Variants in TEKT1 observed in about 807,000 individuals in gnomAD.
The protein encoded by TEKT1 is tektin-1.
Under a neutral mutation model 34.8 loss-of-function variants are expected in TEKT1, and 32 were observed. The ratio of observed to expected loss-of-function variants is 0.92; its 90% CI spans 0.69 to 1.23. The LOEUF is 1.23. Ranked by LOEUF, TEKT1 falls within the 50% of genes most tolerant of loss-of-function variation. The pLI, the probability that TEKT1 is intolerant of heterozygous loss-of-function variation, is 0.00. For synonymous variants in TEKT1, 207 were observed against 199.8 expected (o/e 1.04, Z -0.30); for missense variants, 492 against 518.5 (o/e 0.95, Z 0.50).
At chr17:6,805,635 C>T (rs1301998822) in intron 6 of TEKT1, among the ~76,000 whole-genome samples, 3 of 152,092 alleles carry the variant, frequency 2.0e-5, no homozygotes, top group African/African-American at 4.8e-5. Context: ...CACACTGCTT[C>T]GAATGTGTCC....
chr17:6,816,453 T>C (rs145501172), intron 3 of TEKT1, among the ~76,000 whole-genome samples: 12,352 of 152,206 alleles, frequency 0.081, 620 homozygotes, highest in Middle Eastern at 0.18. Flanking sequence ...CATTGTTCAA[T>C]TCCCACCTAT....
rs929380491 is a variant in TEKT1 at position 6,798,780 on chromosome 17, T to A, written c.*1247A>T. ...ATTATCATTGTGCCCTATGACACCG[T>A]ATGTGCAGCTAGACAGCCAGATTCA... On this transcript the variant is annotated 3_prime_UTR_variant, in exon 8 of 8. Coordinates refer to ENST00000338694, the MANE Select transcript of TEKT1 (RefSeq NM_053285.2). 2 of 152,232 alleles carry A rather than the reference T, an allele frequency of 1.3e-5. No homozygotes were observed. Among genetic ancestry groups the A allele is most frequent in the African/African-American group, 2.4e-5 (1 of 41,446 alleles). 9.4% of individuals were successfully genotyped at this position (152,232 alleles called of 1,614,324 possible).
At chr17:6,801,221 G>T (rs1976767472) in intron 6 of TEKT1, among the ~76,000 whole-genome samples, 1 of 152,148 alleles carries the variant, frequency 6.6e-6, no homozygotes. Flanking sequence ...GCCAGAGTGG[G>T]GATCTCACTA....
In TEKT1 at chr17:6,799,449, A is replaced by T. The variant is rs531732083; in HGVS notation, c.*578T>A. ...AGGCTCAGTATGAAGCCCTTTACGG[A>T]GGTGATCTCATTCAACGCCCCTATA... On this transcript the variant is annotated 3_prime_UTR_variant, in exon 8 of 8. Transcript: ENST00000338694. 1 of 152,192 alleles carries T rather than the reference A, an allele frequency of 6.6e-6. No individual in the cohort carries two copies. The highest frequency in any genetic ancestry group is 1.5e-5 in the Non-Finnish European group (1 of 68,112). 9.4% of individuals were successfully genotyped at this position (152,192 alleles called of 1,614,324 possible). A position where few individuals can be genotyped will look rare whatever the true frequency, so the allele number is the denominator to read the frequency against.
rs1370483595 is a variant in TEKT1, at chr17:6,811,751, CCT to C, written c.852+1078_852+1079del. Among the ~76,000 whole-genome samples the C allele has an allele frequency of 6.6e-6, 1 of 152,148 alleles. No individual in the cohort carries two copies. The highest frequency in any genetic ancestry group is 6.5e-5 in the Admixed American group (1 of 15,276). Reference sequence around the variant, plus strand: ...CACCGTGCCGCCTTGGGGCCCTTCCCCTCTCTGTTTCAGCTTCACCAGCAGTA... The same window carrying C: ...CACCGTGCCGCCTTGGGGCCCTTCCCCTCTGTTTCAGCTTCACCAGCAGTA... On this transcript the variant is annotated intron_variant, in intron 6 of 7. Coordinates refer to ENST00000338694, the MANE Select transcript of TEKT1 (RefSeq NM_053285.2). This position sits in a 1 kb window ranked among gnomAD's most constrained non-coding sequence, Gnocchi z 4.4.
chr17:6,827,155 T>C (rs1904431691), intron 2 of TEKT1, among the ~76,000 whole-genome samples: 1 of 152,140 alleles, frequency 6.6e-6, no homozygotes, highest in South Asian at 2.1e-4. Flanking sequence ...AGGTCTATCC[T>C]CACTTATACT....
rs915015531 is a variant in TEKT1 at position 6,799,447 on chromosome 17, G to A, written c.*580C>T. On this transcript the variant is annotated 3_prime_UTR_variant, in exon 8 of 8. Coordinates refer to ENST00000338694, the MANE Select transcript of TEKT1 (RefSeq NM_053285.2). Reference sequence around the variant, plus strand: ...ACAGGCTCAGTATGAAGCCCTTTACGGAGGTGATCTCATTCAACGCCCCTA... The same window carrying A: ...ACAGGCTCAGTATGAAGCCCTTTACAGAGGTGATCTCATTCAACGCCCCTA... 1.4e-4 allele frequency: 22 copies of A among 152,348 alleles called. No homozygotes were observed. The highest frequency in any genetic ancestry group is 5.3e-4 in the African/African-American group (22 of 41,540). The allele number at this position is 152,348 out of a possible 1,614,324, so 9.4% of individuals were successfully genotyped here. A position where few individuals can be genotyped will look rare whatever the true frequency, so the allele number is the denominator to read the frequency against.
At chr17:6,819,844 C>T (rs559735705) in intron 2 of TEKT1, among the ~76,000 whole-genome samples, 2 of 152,304 alleles carry the variant, frequency 1.3e-5, no homozygotes, top group East Asian at 1.9e-4. Context: ...TCCGCCACCA[C>T]ACCCGGCTAA....
intron 2 of TEKT1, among the ~76,000 whole-genome samples, chr17:6,824,201 T>C (rs1904334771): frequency 6.6e-6 from 1 of 152,172 alleles, no homozygotes; most frequent in Non-Finnish European, 1.5e-5. Flanking sequence ...TCAGCTCTTC[T>C]CTTGGTCCTC....
intron 2 of TEKT1, among the ~76,000 whole-genome samples, chr17:6,821,046 A>C (rs944716956): frequency 8.6e-5 from 13 of 151,814 alleles, no homozygotes; most frequent in African/African-American, 3.1e-4. Context: ...GTCTGATGCC[A>C]CTCTGATTCC....
chr17:6,822,210 C>T (rs553503552), intron 2 of TEKT1, among the ~76,000 whole-genome samples: 26 of 152,286 alleles, frequency 1.7e-4, no homozygotes, highest in Non-Finnish European at 7.4e-5. Flanking sequence ...AACCATAGCT[C>T]ACTGTAACTT....
At chr17:6,818,032 G>A (rs1977030176) in intron 3 of TEKT1, among the ~76,000 whole-genome samples, 1 of 152,160 alleles carries the variant, frequency 6.6e-6, no homozygotes. Context: ...GCTTATGGAA[G>A]GAACAGGGCT....
chr17:6,807,445 TC>T (rs1384474734), intron 6 of TEKT1, among the ~76,000 whole-genome samples: 1 of 152,226 alleles, frequency 6.6e-6, no homozygotes, highest in Non-Finnish European at 1.5e-5. Flanking sequence ...AGTTTGATCA[TC>T]TGAAGCCTTC....
rs913747615 is a variant in TEKT1, at chr17:6,816,703, T to C, written c.357-741A>G. ...GCCACAATAAACAAACGTGTGCATATGTCTTTATAGTAGCATGATTTATAA... is the reference window on the plus strand; with the variant it reads ...GCCACAATAAACAAACGTGTGCATACGTCTTTATAGTAGCATGATTTATAA... On this transcript the variant is annotated intron_variant, in intron 3 of 7. Transcript: ENST00000338694. Among the ~76,000 whole-genome samples, 4 of 152,350 alleles carry C rather than the reference T, an allele frequency of 2.6e-5. No homozygotes were observed. In the South Asian group the frequency reaches 8.3e-4, roughly 32 times the overall value.
At chr17:6,825,098 A>C (rs1904358512) in intron 2 of TEKT1, among the ~76,000 whole-genome samples, 1 of 152,208 alleles carries the variant, frequency 6.6e-6, no homozygotes, top group Non-Finnish European at 1.5e-5. Flanking sequence ...ATGGGGAAAG[A>C]AGCATCCATA....
At chr17:6,831,048 A>T (rs2151594305) in intron 1 of TEKT1, among the ~76,000 whole-genome samples, 1 of 152,148 alleles carries the variant, frequency 6.6e-6, no homozygotes, top group Non-Finnish European at 1.5e-5. Context: ...GAGGAGGAGG[A>T]GGAGGAAATG....
In TEKT1 at chr17:6,801,157, G is replaced by A. The variant is rs899493864; in HGVS notation, c.853-214C>T. 3.3e-5 allele frequency among the ~76,000 whole-genome samples: 5 copies of A among 152,166 alleles called. 1 individual carries two copies. In the East Asian group the frequency reaches 9.7e-4, roughly 29 times the overall value. ...AAAACCTTATGGACTCAAGGGACAG[G>A]ACGGGCCATTGTCACCTCATCTACC... On this transcript the variant is annotated intron_variant, in intron 6 of 7. Coordinates refer to ENST00000338694, the MANE Select transcript of TEKT1 (RefSeq NM_053285.2).
Position 6,819,176 on chromosome 17 carries a change from G to C in TEKT1, c.356+17C>G. The C allele has an allele frequency of 6.2e-7, 1 of 1,605,942 alleles. No homozygotes were observed. Among genetic ancestry groups the C allele is most frequent in the Non-Finnish European group, 8.5e-7 (1 of 1,176,928 alleles). ...TTGTCACAACACATGAATCATTTGA[G>C]GGACCTTCGCTCCTACCTGTATGCC... On this transcript the variant is annotated intron_variant, in intron 3 of 7. Transcript: ENST00000338694.
At chr17:6,808,556 G>A (rs558424026) in intron 6 of TEKT1, among the ~76,000 whole-genome samples, 23 of 152,258 alleles carry the variant, frequency 1.5e-4, no homozygotes, top group African/African-American at 5.1e-4. Context: ...CTTCTGCGTC[G>A]CTCACGCTGG....
Sources: allele counts gnomAD v4.1 joint callset (sites outside exome capture counted in the v4.1 genomes callset), GRCh38; gene constraint gnomAD v4.1.1; non-coding constraint Gnocchi (gnomAD v3.1); transcripts MANE v1.5; gene names NCBI Gene and HGNC (gene_info 2026-07-23, HGNC 2026-07-21).